The following GLB1 variants were observed in gnomAD, a reference collection of about 807,000 sequenced individuals.
GLB1 encodes galactosidase beta 1, also known as beta-galactosidase.
In GLB1, 56 loss-of-function variants were observed where a neutral mutation model predicts 74.0. That is an observed-to-expected ratio of 0.76 (90% confidence interval 0.61 to 0.94). GLB1 has a LOEUF of 0.94. Ranked by LOEUF, GLB1 falls within the 40% of genes least tolerant of loss-of-function variation. The pLI, the probability that GLB1 is intolerant of heterozygous loss-of-function variation, is 0.00. For missense variants in GLB1, 787 were observed against 845.5 expected (o/e 0.93, Z 0.86); for synonymous variants, 323 against 323.6 (o/e 1.00, Z 0.02).
At chr3:33,007,819 G>A (rs1008255996) in intron 15 of GLB1, among the ~76,000 whole-genome samples, 13 of 152,172 alleles carry the variant, frequency 8.5e-5, no homozygotes, top group Non-Finnish European at 1.6e-4. Flanking sequence ...AATAAGTAAA[G>A]AGCCCCAGCC....
At chr3:33,020,179 A>G (rs1575416520) in intron 12 of GLB1, among the ~76,000 whole-genome samples, 1 of 152,150 alleles carries the variant, frequency 6.6e-6, no homozygotes, top group African/African-American at 2.4e-5. Flanking sequence ...GAAACAGTGA[A>G]TGTGTGTGTG....
the GLB1 span, among the ~76,000 whole-genome samples, chr3:32,969,874 C>A: frequency 6.6e-6 from 1 of 152,238 alleles, no homozygotes; most frequent in South Asian, 2.1e-4. Context: ...TCAGAACAAT[C>A]CACCACAAGG....
At chr3:33,080,440 C>T (rs1039828618) in intron 1 of GLB1, among the ~76,000 whole-genome samples, 10 of 152,100 alleles carry the variant, frequency 6.6e-5, no homozygotes, top group Non-Finnish European at 1.2e-4. Flanking sequence ...CTTGTGCAAG[C>T]TCAGTATGCT....
intron 12 of GLB1, 148 bp downstream of exon 12, chr3:33,021,418 G>A (rs1697475828): frequency 6.7e-6 from 6 of 891,590 alleles, no homozygotes; most frequent in Non-Finnish European, 1.1e-5. Context: ...GCTAAAGAGA[G>A]CCTGGAAATT....
chr3:32,996,923 G>A lies in GLB1; in HGVS notation c.*122C>T. ...GCAGGGATGCAGGGAAACCTCAGGT[G>A]AAAATGCACATCCTAAATTCCTTTT... On this transcript the variant is annotated 3_prime_UTR_variant, in exon 16 of 16. Coordinates refer to ENST00000307363, the MANE Select transcript of GLB1 (RefSeq NM_000404.4). The A allele has an allele frequency of 6.3e-7, 1 of 1,580,888 alleles. No individual in the cohort carries two copies. Among genetic ancestry groups the A allele is most frequent in the East Asian group, 2.2e-5 (1 of 44,582 alleles).
Position 33,018,519 on chromosome 3 carries a change from A to C in GLB1, c.1276T>G (p.Cys426Gly), listed in dbSNP as rs765230559. 2.5e-5 allele frequency: 40 copies of C among 1,613,930 alleles called. No individual in the cohort carries two copies. The highest frequency in any genetic ancestry group is 3.3e-5 in the Non-Finnish European group (39 of 1,180,026). ...VLYRTTLPQD[C>G]SNPAPLSSPL... is the part of the protein sequence containing the mutation. ...GAAGAGAGAGGTGCTGGGTTGCTGC[A>C]ATCTTGAGGAAGTGTTGTCCGGTAC... Residue 426 changes from cysteine to glycine, a missense_variant, in exon 13 of 16, where the codon TGC becomes GGC. Physicochemically the swap from Cys to Gly is radical, Grantham distance 159. Transcript: ENST00000307363.
chr3:33,064,238 A>C lies in GLB1; in HGVS notation c.552+1225T>G, dbSNP rs368062953. ...TGAATCACCTGAGGTCAGGAGTTTGAGACCAGCCTGGTCAACATGGTGAAA... is the reference window on the plus strand; with the variant it reads ...TGAATCACCTGAGGTCAGGAGTTTGCGACCAGCCTGGTCAACATGGTGAAA... On this transcript the variant is annotated intron_variant, in intron 5 of 15. Transcript: ENST00000307363. Among the ~76,000 whole-genome samples, 10 of 150,638 alleles carry C rather than the reference A, an allele frequency of 6.6e-5. No homozygotes were observed. In the South Asian group the frequency reaches 1.5e-3, roughly 22 times the overall value.
intron 15 of GLB1, among the ~76,000 whole-genome samples, chr3:33,011,481 A>T (rs961667862): frequency 6.6e-6 from 1 of 150,632 alleles, no homozygotes; most frequent in Admixed American, 6.6e-5. Context: ...AATAAAATAA[A>T]AATAATAAAA....
At chr3:33,009,122 AAAATAAATAAAT>A (rs201038052) in intron 15 of GLB1, among the ~76,000 whole-genome samples, 30 of 137,510 alleles carry the variant, frequency 2.2e-4, no homozygotes, top group African/African-American at 5.8e-4. Context: ...TCCATCTTAA[AAAATAAATAAAT>A]AAATAAATAA....
At chr3:33,095,210 C>CA (rs71630565) in intron 1 of GLB1, among the ~76,000 whole-genome samples, 2,831 of 75,632 alleles carry the variant, frequency 0.037, 48 homozygotes, top group African/African-American at 0.051. Context: ...GACTCTGTCT[C>CA]AAAAAAAAAA....
At chr3:33,064,034 G>A (rs1354916443) in intron 5 of GLB1, among the ~76,000 whole-genome samples, 1 of 152,098 alleles carries the variant, frequency 6.6e-6, no homozygotes, top group Non-Finnish European at 1.5e-5. Flanking sequence ...CCATAGTACT[G>A]TTCATAAGAA....
intron 1 of GLB1, among the ~76,000 whole-genome samples, chr3:33,074,385 G>GAAAGAAAGAAAGAAAGAAAGA (rs1338351259): frequency 0.047 from 924 of 19,848 alleles, 154 homozygotes; most frequent in Admixed American, 0.099. Context: ...AGGAAGGAAG[G>GAAAGAAAGAAAGAAAGAAAGA]AAGGAAGAAA....
chr3:33,069,070 T>G, intron 2 of GLB1, 100 bp from the exon 3 acceptor site: 1 of 1,598,374 alleles, frequency 6.3e-7, no homozygotes, highest in Non-Finnish European at 8.5e-7. Context: ...AACACATGGA[T>G]AAGAGGGAGA....
chr3:33,009,340 G>A lies in GLB1; in HGVS notation c.1734+4716C>T, dbSNP rs561101139. 4.9e-3 allele frequency among the ~76,000 whole-genome samples: 739 copies of A among 151,794 alleles called. 4 individuals carry two copies. Among genetic ancestry groups the A allele is most frequent in the African/African-American group, 0.017 (699 of 41,386 alleles). On this transcript the variant is annotated intron_variant, in intron 15 of 15. Transcript: ENST00000307363. ...AGTTCAAGACCAGCCTGGCCAACAC[G>A]GTGAAACCCCATCTCTACTAAAAAC...
intron 1 of GLB1, chr3:33,077,140 T>C (rs1201645799): frequency 1.4e-6 from 2 of 1,437,280 alleles, no homozygotes; most frequent in East Asian, 6.1e-5. Context: ...GCTGCTTGCG[T>C]GCTCATTCGG....
intron 5 of GLB1, among the ~76,000 whole-genome samples, chr3:33,063,971 G>A (rs1699556474): frequency 6.6e-6 from 1 of 151,970 alleles, no homozygotes; most frequent in Non-Finnish European, 1.5e-5. Context: ...ACACCTGAAA[G>A]GCAAAGCAGT....
chr3:33,064,254 C>T (rs1699571859), intron 5 of GLB1, among the ~76,000 whole-genome samples: 1 of 149,832 alleles, frequency 6.7e-6, no homozygotes, highest in African/African-American at 2.5e-5. Flanking sequence ...GCCTGGTCAA[C>T]ATGGTGAAAC....
At chr3:33,028,594 T>C (rs1697872058) in intron 10 of GLB1, among the ~76,000 whole-genome samples, 1 of 152,134 alleles carries the variant, frequency 6.6e-6, no homozygotes, top group South Asian at 2.1e-4. Flanking sequence ...GATATGAGTA[T>C]AAGACTCTTA....
rs1700612288 is a variant in GLB1, at chr3:33,088,364, AGAC to A, written c.75+8644_75+8646del. 2.6e-5 allele frequency among the ~76,000 whole-genome samples: 3 copies of A among 117,314 alleles called. 1 individual carries two copies. The South Asian group carries it at 8.9e-4, about 35-fold the overall frequency. The allele number at this position is 117,314 out of a possible 152,430, so 77.0% of individuals were successfully genotyped here. On this transcript the variant is annotated intron_variant, in intron 1 of 15. Coordinates refer to ENST00000307363, the MANE Select transcript of GLB1 (RefSeq NM_000404.4). Reference sequence around the variant, plus strand: ...TAATCTTAGATGTAGGAAACCCTAAAGACTACACACACACACACACACACACAC... The same window carrying A: ...TAATCTTAGATGTAGGAAACCCTAAATACACACACACACACACACACACAC...
Sources: gnomAD v4.1 joint callset for allele counts (sites outside exome capture counted in the v4.1 genomes callset) on GRCh38, gnomAD v4.1.1 for gene constraint, MANE v1.5 for transcripts, NCBI Gene and HGNC (gene_info 2026-07-23, HGNC 2026-07-21) for gene names.